NRSN2: variants seen among roughly 807,000 people sequenced by gnomAD.
NRSN2 encodes the protein neurensin 2.
A neutral mutation model predicts 11.1 loss-of-function variants in NRSN2; 10 were observed. The observed-to-expected ratio is 0.90, with a 90% CI of 0.56 to 1.53. The LOEUF is 1.53. Ranked by LOEUF, NRSN2 falls within the 40% of genes most tolerant of loss-of-function variation. NRSN2 has a pLI of 0.00. For missense variants in NRSN2, 260 were observed against 273.7 expected, an observed-to-expected ratio of 0.95 and a Z score of 0.35; for synonymous variants, 100 against 117.0, an observed-to-expected ratio of 0.86 and a Z score of 0.94.
At chr20:350,578 G>A (rs1019436689) in intron 4 of NRSN2, among the ~76,000 whole-genome samples, 1 of 144,480 alleles carries the variant, frequency 6.9e-6, no homozygotes, top group African/African-American at 2.6e-5. Flanking sequence ...AACCCAGGAG[G>A]CAGAGGTTGC....
rs891220064 is a variant in NRSN2, at chr20:353,524, G to A, written c.504G>A (p.Gln168=). 6 of 1,614,052 alleles carry A rather than the reference G, an allele frequency of 3.7e-6. No individual in the cohort carries two copies. The East Asian group carries it at 1.3e-4, about 36-fold the overall frequency. ...AGGTCTTCGGGGATGAGCCAGAGCA[G>A]CAGTTGTCACCCATTTTCCGCAATG... ...HVEVFGDEPE[Q]QLSPIFRNAS... is the part of the protein sequence containing the mutation. Residue 168 remains glutamine, a synonymous_variant, in exon 5 of 5, where the codon CAG becomes CAA. Coordinates refer to ENST00000382285, the MANE Select transcript of NRSN2 (RefSeq NM_001323682.2).
At position 354,847 on chromosome 20, in the gene NRSN2, A is replaced by G. The variant is rs1158879643; in HGVS notation, c.*1212A>G. 1 of 152,194 alleles carries G rather than the reference A, an allele frequency of 6.6e-6. No homozygotes were observed. Among genetic ancestry groups the G allele is most frequent in the East Asian group, 1.9e-4 (1 of 5,202 alleles). 9.4% of individuals were successfully genotyped at this position (152,194 alleles called of 1,614,324 possible). A position where few individuals can be genotyped will look rare whatever the true frequency, so the allele number is the denominator to read the frequency against. On this transcript the variant is annotated 3_prime_UTR_variant, in exon 5 of 5. Coordinates refer to ENST00000382285, the MANE Select transcript of NRSN2 (RefSeq NM_001323682.2). ...CTTCCATCCCACCTTCCCTTTCAAT[A>G]AACAGCTGGGATGGATACTGACTTT...
intron 2 of NRSN2, among the ~76,000 whole-genome samples, chr20:348,550 CTG>C (rs2013660188): frequency 7.3e-6 from 1 of 136,490 alleles, no homozygotes. Flanking sequence ...GGGTATGTCT[CTG>C]TATGCTTTGT....
At chr20:350,348 G>A (rs959756347) in intron 4 of NRSN2, among the ~76,000 whole-genome samples, 14 of 151,322 alleles carry the variant, frequency 9.3e-5, no homozygotes, top group African/African-American at 2.4e-4. Context: ...GTGTGGTGGC[G>A]GGCGCCTGTA....
Position 349,800 on chromosome 20 carries a change from C to G in NRSN2, c.157C>G (p.Pro53Ala). 1.2e-6 allele frequency: 2 copies of G among 1,613,514 alleles called. No homozygotes were observed. The highest frequency in any genetic ancestry group is 1.7e-6 in the Non-Finnish European group (2 of 1,179,988). Residue 53 changes from proline to alanine, a missense_variant, in exon 4 of 5, where the codon CCC becomes GCC. Coordinates refer to ENST00000382285, the MANE Select transcript of NRSN2 (RefSeq NM_001323682.2). ...DDPEGPPVLC[P>A]RRPWPSLCWK... ...CCCTGAGGGACCTCCGGTCCTGTGC[C>G]CCCGCCGGCCCTGGCCCTCACTGTG...
Position 353,344 on chromosome 20 carries a change from C to A in NRSN2, c.324C>A (p.Tyr108Ter). The A allele has an allele frequency of 6.2e-7, 1 of 1,614,080 alleles. No individual in the cohort carries two copies. The highest frequency in any genetic ancestry group is 1.1e-5 in the South Asian group (1 of 91,074). Reference protein sequence around the residue: ...FLVLDQRAADYNQALGTCRLA... With the variant: ...FLVLDQRAAD Reference sequence around the variant, plus strand: ...TGTTGGATCAGCGGGCAGCCGACTACAACCAGGCCCTGGGCACCTGTCGCC... The same window carrying A: ...TGTTGGATCAGCGGGCAGCCGACTAAAACCAGGCCCTGGGCACCTGTCGCC... Residue 108 changes from tyrosine to a stop codon, truncating the protein, a stop_gained, in exon 5 of 5, where the codon TAC (tyrosine) becomes TAA (stop). Coordinates refer to ENST00000382285, the MANE Select transcript of NRSN2 (RefSeq NM_001323682.2). LOFTEE classifies it high-confidence loss of function.
chr20:347,825 C>G lies in NRSN2; in HGVS notation c.-122+313C>G, dbSNP rs2013551338. Among the ~76,000 whole-genome samples, 1 of 152,122 alleles carries G rather than the reference C, an allele frequency of 6.6e-6. No individual in the cohort carries two copies. Among genetic ancestry groups the G allele is most frequent in the South Asian group, 2.1e-4 (1 of 4,834 alleles). On this transcript the variant is annotated intron_variant, in intron 2 of 4. Coordinates refer to ENST00000382285, the MANE Select transcript of NRSN2 (RefSeq NM_001323682.2). This position sits in a 1 kb window ranked among gnomAD's most constrained non-coding sequence, Gnocchi z 7.0. ...TCCCCTCCCACCGAGCTCCTCCCGG[C>G]TCCCGGGCTGGGGACGCCTCCCTAG... is the stretch of plus-strand genomic sequence containing the variant.
Position 353,607 on chromosome 20 carries a change from A to G in NRSN2, c.587A>G (p.Gln196Arg). The G allele has an allele frequency of 6.2e-7, 1 of 1,614,158 alleles. No homozygotes were observed. The highest frequency in any genetic ancestry group is 8.5e-7 in the Non-Finnish European group (1 of 1,180,020). The change falls in exon 5 of 5, where the codon CAG (glutamine) becomes CGG (arginine). Residue 196 changes from glutamine to arginine, a missense_variant. Gln to Arg is a conservative substitution (Grantham distance 43). Coordinates refer to ENST00000382285, the MANE Select transcript of NRSN2 (RefSeq NM_001323682.2). The part of the protein sequence containing the change: ...PASPFGQSSV[Q>R]TIQPKRDS ...AGCCCCTTTGGGCAATCTTCTGTGC[A>G]GACTATCCAGCCCAAGAGGGACTCC... is the stretch of plus-strand genomic sequence containing the variant.
intron 4 of NRSN2, among the ~76,000 whole-genome samples, chr20:351,377 AT>A (rs1194367178): frequency 6.6e-6 from 1 of 152,182 alleles, no homozygotes; most frequent in Non-Finnish European, 1.5e-5. Context: ...TCTACTAAAA[AT>A]AAAAAATTAG....
rs111385797 is a variant in NRSN2, at chr20:354,573, A to G, written c.*938A>G. ...CCACGGTCTTGGCCGTGACCCTGAT[A>G]ATAAATGGGCTCTCTCAGAGGCGCC... On this transcript the variant is annotated 3_prime_UTR_variant, in exon 5 of 5. Coordinates refer to ENST00000382285, the MANE Select transcript of NRSN2 (RefSeq NM_001323682.2). 7.3e-3 allele frequency: 1,110 copies of G among 152,156 alleles called. 5 individuals are homozygous for G. The highest frequency in any genetic ancestry group is 9.5e-3 in the Non-Finnish European group (643 of 68,038). The allele number at this position is 152,156 out of a possible 1,614,324, so 9.4% of individuals were successfully genotyped here.
At chr20:350,890 G>A (rs1249135588) in intron 4 of NRSN2, among the ~76,000 whole-genome samples, 1 of 151,976 alleles carries the variant, frequency 6.6e-6, no homozygotes, top group African/African-American at 2.4e-5. Flanking sequence ...ACTACTGTGT[G>A]GACTCTCAGG....
intron 2 of NRSN2, among the ~76,000 whole-genome samples, chr20:348,583 C>G (rs1475001351): frequency 6.7e-6 from 1 of 148,196 alleles, no homozygotes; most frequent in Non-Finnish European, 1.5e-5. Context: ...GTGTGTTTCT[C>G]TGTGCTGTTT....
Position 349,775 on chromosome 20 carries a change from C to A in NRSN2, c.132C>A (p.Asp44Glu). The change falls in exon 4 of 5, where the codon GAC becomes GAA. Residue 44 changes from aspartate to glutamate, a missense_variant. Coordinates refer to ENST00000382285, the MANE Select transcript of NRSN2 (RefSeq NM_001323682.2). Reference sequence around the variant, plus strand: ...GTGCAGGCACTGCTCTCAGCGACGACCCTGAGGGACCTCCGGTCCTGTGCC... The same window carrying A: ...GTGCAGGCACTGCTCTCAGCGACGAACCTGAGGGACCTCCGGTCCTGTGCC... ...EDCAGTALSD[D>E]PEGPPVLCPR... is the part of the protein sequence containing the mutation. 6.2e-7 allele frequency: 1 copy of A among 1,613,540 alleles called. No homozygotes were observed. Among genetic ancestry groups the A allele is most frequent in the Non-Finnish European group, 8.5e-7 (1 of 1,180,010 alleles).
At position 353,708 on chromosome 20, in the gene NRSN2, C is replaced by T. The variant is rs1408520226; in HGVS notation, c.*73C>T. ...TCACCATAACCCCCTCTCAGTGTTT[C>T]CCCAACTTCTCCCTTTTAGCAGGGT... is the stretch of plus-strand genomic sequence containing the variant. On this transcript the variant is annotated 3_prime_UTR_variant, in exon 5 of 5. Transcript: ENST00000382285. 28 of 1,474,552 alleles carry T rather than the reference C, an allele frequency of 1.9e-5. No homozygotes were observed. The highest frequency in any genetic ancestry group is 2.6e-5 in the Non-Finnish European group (28 of 1,083,060). The allele number at this position is 1,474,552 out of a possible 1,614,324, so 91.3% of individuals were successfully genotyped here.
intron 4 of NRSN2, among the ~76,000 whole-genome samples, chr20:350,202 C>T (rs907325345): frequency 1.3e-5 from 2 of 151,528 alleles, no homozygotes; most frequent in East Asian, 1.9e-4. Context: ...GGACCGGGTG[C>T]GGTAGTTCAC....
intron 4 of NRSN2, among the ~76,000 whole-genome samples, chr20:351,127 G>A (rs2013934779): frequency 6.6e-6 from 1 of 152,194 alleles, no homozygotes; most frequent in Non-Finnish European, 1.5e-5. Flanking sequence ...TACTCTGGAG[G>A]CTGAGGCAGG....
chr20:352,946 A>C (rs2014084220), intron 4 of NRSN2, among the ~76,000 whole-genome samples: 1 of 149,340 alleles, frequency 6.7e-6, no homozygotes, highest in Non-Finnish European at 1.5e-5. Flanking sequence ...ATGAGTTGGG[A>C]TGGAGGGAAA....
intron 3 of NRSN2, 82 bp downstream of exon 3, chr20:349,445 T>C: frequency 3.7e-6 from 2 of 535,738 alleles, no homozygotes; most frequent in South Asian, 4.9e-5. Context: ...CTTCAGTGCA[T>C]TGGCTCATTC....
chr20:349,712 T>C lies in NRSN2; in HGVS notation c.69T>C (p.Tyr23=), dbSNP rs1453493470. The change falls in exon 4 of 5, where the codon TAT becomes TAC. Residue 23 remains tyrosine (Y), a synonymous_variant. Transcript: ENST00000382285. ...CCAGCGTGGAGGATGGCAAGTGGTA[T>C]GGGGTCCGCTCCTACCTGCACCTCT... ...RGPSVEDGKW[Y]GVRSYLHLFY... The C allele has an allele frequency of 3.1e-6, 5 of 1,613,450 alleles. No homozygotes were observed. The South Asian group carries it at 4.4e-5, about 14-fold the overall frequency.
Sources: allele counts gnomAD v4.1 joint callset (sites outside exome capture counted in the v4.1 genomes callset), GRCh38; gene constraint gnomAD v4.1.1; non-coding constraint Gnocchi (gnomAD v3.1); transcripts MANE v1.5; gene names NCBI Gene and HGNC (gene_info 2026-07-23, HGNC 2026-07-21).